The following KCNQ3 variants were observed in gnomAD, a reference collection of about 807,000 sequenced individuals.
KCNQ3 encodes the protein potassium voltage-gated channel subfamily Q member 3.
A neutral mutation model predicts 92.5 loss-of-function variants in KCNQ3; 30 were observed. The observed-to-expected ratio is 0.32, with a 90% CI of 0.24 to 0.44. The LOEUF is 0.44. KCNQ3 is among the 20% of genes least tolerant of loss of function. The pLI is 1.00. For missense variants in KCNQ3, 913 were observed against 1,140.3 expected (o/e 0.80, Z 2.87); for synonymous variants, 450 against 468.8 (o/e 0.96, Z 0.52).
intron 1 of KCNQ3, among the ~76,000 whole-genome samples, chr8:132,212,145 G>T (rs1041915986): frequency 6.6e-6 from 1 of 151,918 alleles, no homozygotes; most frequent in Non-Finnish European, 1.5e-5. Flanking sequence ...TGCATTATTT[G>T]CATCTTTGCT....
chr8:132,466,852 T>C (rs1051830362), intron 1 of KCNQ3, among the ~76,000 whole-genome samples: 2 of 152,124 alleles, frequency 1.3e-5, no homozygotes, highest in African/African-American at 4.8e-5. Flanking sequence ...TAACATTTCA[T>C]GGGTGAGGGC....
At chr8:132,366,714 C>T (rs1819332349) in intron 1 of KCNQ3, among the ~76,000 whole-genome samples, 1 of 152,096 alleles carries the variant, frequency 6.6e-6, no homozygotes, top group Non-Finnish European at 1.5e-5. Context: ...CAGCATCTAT[C>T]AAGATGATCA....
intron 1 of KCNQ3, among the ~76,000 whole-genome samples, chr8:132,453,868 C>T (rs1171938690): frequency 1.3e-5 from 2 of 152,138 alleles, no homozygotes; most frequent in Non-Finnish European, 1.5e-5. Context: ...CTGCCAGAAG[C>T]GTGTCTGTGC....
chr8:132,135,271 G>A (rs924650156), intron 12 of KCNQ3, among the ~76,000 whole-genome samples: 16 of 151,338 alleles, frequency 1.1e-4, no homozygotes, highest in East Asian at 5.9e-4. Context: ...TTATGGCTGC[G>A]TATTACTCTG....
At chr8:132,317,257 T>G (rs1475589303) in intron 1 of KCNQ3, among the ~76,000 whole-genome samples, 5 of 151,584 alleles carry the variant, frequency 3.3e-5, no homozygotes, top group African/African-American at 1.2e-4. Context: ...GTAAGGTGAC[T>G]CTGACCCCAT....
intron 1 of KCNQ3, among the ~76,000 whole-genome samples, chr8:132,194,347 C>T (rs967268152): frequency 1.3e-5 from 2 of 152,114 alleles, no homozygotes; most frequent in African/African-American, 4.8e-5. Flanking sequence ...TCCTACTGAC[C>T]CTCAATTGAA....
intron 1 of KCNQ3, among the ~76,000 whole-genome samples, chr8:132,247,238 T>C (rs1815210626): frequency 6.6e-6 from 1 of 152,192 alleles, no homozygotes; most frequent in Non-Finnish European, 1.5e-5. Flanking sequence ...TGTCTATGCA[T>C]TTTCTCTTCT....
intron 1 of KCNQ3, among the ~76,000 whole-genome samples, chr8:132,265,944 C>G (rs144933834): frequency 1.3e-3 from 192 of 152,264 alleles, no homozygotes; most frequent in Middle Eastern, 6.8e-3. Flanking sequence ...CCTACAGTCC[C>G]CTGGTGGCAG....
intron 1 of KCNQ3, among the ~76,000 whole-genome samples, chr8:132,372,498 G>T (rs772398856): frequency 6.6e-6 from 1 of 152,104 alleles, no homozygotes; most frequent in Non-Finnish European, 1.5e-5. Context: ...GCTCACACCT[G>T]TAATCCCAGC....
chr8:132,299,123 C>T (rs556213049), intron 1 of KCNQ3, among the ~76,000 whole-genome samples: 1 of 146,776 alleles, frequency 6.8e-6, no homozygotes, highest in East Asian at 2.0e-4. Flanking sequence ...TAAGTAAATG[C>T]ATTTTTAAAA....
chr8:132,357,518 G>T (rs1819050540), intron 1 of KCNQ3, among the ~76,000 whole-genome samples: 1 of 152,206 alleles, frequency 6.6e-6, no homozygotes, highest in African/African-American at 2.4e-5. Context: ...GAATGAGTTT[G>T]CCTGCACACA....
intron 1 of KCNQ3, among the ~76,000 whole-genome samples, chr8:132,302,667 C>A (rs563389293): frequency 6.6e-6 from 1 of 152,326 alleles, no homozygotes; most frequent in South Asian, 2.1e-4. Context: ...TGAATAGAGG[C>A]CATCAGAATG....
intron 10 of KCNQ3, 85 bp downstream of exon 10, chr8:132,141,044 G>A (rs1825280359): frequency 1.6e-6 from 2 of 1,277,698 alleles, no homozygotes; most frequent in Non-Finnish European, 1.1e-6. Flanking sequence ...AGGTTCTTAA[G>A]TGGGCAAAGG....
chr8:132,366,344 T>G (rs774329624), intron 1 of KCNQ3, among the ~76,000 whole-genome samples: 3 of 152,184 alleles, frequency 2.0e-5, no homozygotes, highest in Non-Finnish European at 4.4e-5. Flanking sequence ...AGTAGTACAT[T>G]TTACTTGATT....
At chr8:132,383,187 C>T (rs566011067) in intron 1 of KCNQ3, among the ~76,000 whole-genome samples, 132 of 152,312 alleles carry the variant, frequency 8.7e-4, no homozygotes, top group African/African-American at 3.0e-3. Context: ...AAGTGCTCAC[C>T]CACCCCAATG....
At chr8:132,274,893 G>A (rs1197059473) in intron 1 of KCNQ3, among the ~76,000 whole-genome samples, 1 of 152,138 alleles carries the variant, frequency 6.6e-6, no homozygotes, top group East Asian at 1.9e-4. Flanking sequence ...GAGCCCTGAG[G>A]CCCAGAACAG....
At chr8:132,435,622 G>T (rs566336065) in intron 1 of KCNQ3, among the ~76,000 whole-genome samples, 2 of 152,310 alleles carry the variant, frequency 1.3e-5, no homozygotes, top group South Asian at 2.1e-4. Flanking sequence ...AACCTAGACC[G>T]AGTAGTGAAC....
rs759909757 is a variant in KCNQ3 at position 132,480,608 on chromosome 8, G to T, written c.-76C>A. ...GAAGGGGCGCTCGGGGTGCGTGAAC[G>T]AGGCGGCGGCGGCGGCTGCAAGCCC... On this transcript the variant is annotated 5_prime_UTR_variant, in exon 1 of 15. Transcript: ENST00000388996. The T allele has an allele frequency of 8.3e-7, 1 of 1,210,970 alleles. No individual in the cohort carries two copies. Among genetic ancestry groups the T allele is most frequent in the Non-Finnish European group, 1.0e-6 (1 of 953,012 alleles). 75.0% of individuals were successfully genotyped at this position (1,210,970 alleles called of 1,614,324 possible). A position where few individuals can be genotyped will look rare whatever the true frequency, so the allele number is the denominator to read the frequency against.
intron 1 of KCNQ3, among the ~76,000 whole-genome samples, chr8:132,452,948 A>T (rs1821855521): frequency 6.6e-6 from 1 of 152,150 alleles, no homozygotes; most frequent in Admixed American, 6.5e-5. Flanking sequence ...TAAACATGTA[A>T]CTTACAGATT....
Sources: gnomAD v4.1 joint callset for allele counts (sites outside exome capture counted in the v4.1 genomes callset) on GRCh38, gnomAD v4.1.1 for gene constraint, MANE v1.5 for transcripts, NCBI Gene and HGNC (gene_info 2026-07-23, HGNC 2026-07-21) for gene names.